ZNF608: variants seen among roughly 807,000 people sequenced by gnomAD.
ZNF608 encodes the protein renal carcinoma antigen NY-REN-36.
ZNF608 carries 12 observed loss-of-function variants against 109.0 expected under a neutral mutation model. The observed-to-expected ratio is 0.11, with a 90% CI of 0.07 to 0.18. The LOEUF is 0.18. Ranked by LOEUF, ZNF608 falls within the 10% of genes least tolerant of loss-of-function variation. The pLI, the probability that ZNF608 is intolerant of heterozygous loss-of-function variation, is 1.00. For missense variants in ZNF608, 1,707 were observed against 1,879.3 expected, an observed-to-expected ratio of 0.91 and a Z score of 1.70; for synonymous variants, 732 against 717.4, an observed-to-expected ratio of 1.02 and a Z score of -0.33.
At chr5:124,664,788 T>C (rs1026325442) in intron 3 of ZNF608, among the ~76,000 whole-genome samples, 4 of 152,214 alleles carry the variant, frequency 2.6e-5, no homozygotes, top group African/African-American at 9.6e-5. Flanking sequence ...GAATGGTGCA[T>C]GTATGGATGG....
At chr5:124,696,559 A>G (rs564102674) in intron 3 of ZNF608, among the ~76,000 whole-genome samples, 2 of 152,230 alleles carry the variant, frequency 1.3e-5, no homozygotes, top group South Asian at 2.1e-4. Context: ...AGAAATCAAC[A>G]GTAGGGTCCA....
intron 3 of ZNF608, among the ~76,000 whole-genome samples, chr5:124,690,737 CTA>C (rs1233812590): frequency 1.3e-5 from 2 of 151,716 alleles, no homozygotes; most frequent in African/African-American, 4.8e-5. Context: ...ACTAAAGACA[CTA>C]AGACAAAGGC....
At chr5:124,638,009 G>A (rs1750055303) in intron 9 of ZNF608, 103 bp from the exon 10 acceptor site, 14 of 1,266,950 alleles carry the variant, frequency 1.1e-5, no homozygotes, top group East Asian at 2.5e-5. Flanking sequence ...AGAGTGCCAT[G>A]GCTCAATCTC....
At chr5:124,711,554 A>G (rs6865162) in intron 2 of ZNF608, among the ~76,000 whole-genome samples, 44,600 of 152,196 alleles carry the variant, frequency 0.29, 7,023 homozygotes, top group Middle Eastern at 0.45. Flanking sequence ...AGTTTGTGTG[A>G]CAGGAATCAT....
chr5:124,674,258 C>G (rs201800496), intron 3 of ZNF608, among the ~76,000 whole-genome samples: 8,972 of 152,128 alleles, frequency 0.059, 383 homozygotes, highest in East Asian at 0.14. Flanking sequence ...GTTCAAAGAG[C>G]CCATAATTGA....
At chr5:124,729,417 G>A (rs549750100) in intron 2 of ZNF608, among the ~76,000 whole-genome samples, 4 of 152,320 alleles carry the variant, frequency 2.6e-5, no homozygotes, top group Admixed American at 1.3e-4. Context: ...CAAGGATAGC[G>A]AGTGGCAGCA....
intron 3 of ZNF608, among the ~76,000 whole-genome samples, chr5:124,676,580 A>T (rs1369894409): frequency 2.0e-5 from 3 of 151,524 alleles, no homozygotes; most frequent in Admixed American, 6.6e-5. Flanking sequence ...ACAAATCTTT[A>T]AAAAAAAATA....
intron 2 of ZNF608, among the ~76,000 whole-genome samples, chr5:124,717,424 T>C (rs1056593605): frequency 3.3e-5 from 5 of 152,174 alleles, no homozygotes; most frequent in African/African-American, 7.2e-5. Flanking sequence ...TGAGCCAAGA[T>C]TGCGCCACTG....
intron 9 of ZNF608, 151 bp downstream of exon 9, chr5:124,638,982 A>C (rs1750109245): frequency 3.6e-6 from 3 of 834,696 alleles, no homozygotes; most frequent in Non-Finnish European, 5.6e-6. Flanking sequence ...GTTGCATGTG[A>C]AGCAACTTAT....
rs1174898195 is a variant in ZNF608 at position 124,647,605 on chromosome 5, C to A, written c.2779G>T (p.Ala927Ser). The stretch of plus-strand genomic sequence containing the variant: ...CTTGTCTTTGCAGCTGAACTCTCTG[C>A]CCCATTCTGGGTCAACACATGCAGA... ...APLHVLTQNG[A>S]ESSAAKTSSP... Residue 927 changes from alanine (A) to serine (S), a missense_variant, in exon 5 of 10, where the codon GCA becomes TCA. Around this residue, in one of 7 missense-constraint regions of ZNF608, gnomAD observed 1,073 missense variants for 1,133.5 expected, o/e 0.95. Coordinates refer to ENST00000513986, the MANE Select transcript of ZNF608 (RefSeq NM_020747.3). 1 of 1,614,202 alleles carries A rather than the reference C, an allele frequency of 6.2e-7. No homozygotes were observed.
chr5:124,695,536 AG>A (rs1752811079), intron 3 of ZNF608, among the ~76,000 whole-genome samples: 1 of 151,276 alleles, frequency 6.6e-6, no homozygotes, highest in Non-Finnish European at 1.5e-5. Flanking sequence ...AGGCCAAGGC[AG>A]GTGGATTGCT....
At chr5:124,696,211 G>A (rs1752844789) in intron 3 of ZNF608, among the ~76,000 whole-genome samples, 1 of 151,524 alleles carries the variant, frequency 6.6e-6, no homozygotes, top group East Asian at 1.9e-4. Context: ...GAAAAAAAGA[G>A]AGAGAGAGAA....
intron 2 of ZNF608, among the ~76,000 whole-genome samples, chr5:124,703,131 T>C (rs1054574826): frequency 6.6e-6 from 1 of 152,190 alleles, no homozygotes; most frequent in Non-Finnish European, 1.5e-5. Flanking sequence ...TTTGTATAGT[T>C]AGTTGTAAAC....
At chr5:124,695,111 G>C (rs995624246) in intron 3 of ZNF608, among the ~76,000 whole-genome samples, 10 of 152,124 alleles carry the variant, frequency 6.6e-5, no homozygotes, top group Non-Finnish European at 4.4e-5. Flanking sequence ...GGAGTCATAA[G>C]AAGCATGCCC....
chr5:124,677,866 T>G (rs1031880982), intron 3 of ZNF608, among the ~76,000 whole-genome samples: 2 of 152,106 alleles, frequency 1.3e-5, no homozygotes, highest in African/African-American at 4.8e-5. Context: ...TGCCCAGCAC[T>G]GCAGAAGGCC....
chr5:124,738,912 A>T (rs1174521537), intron 2 of ZNF608, among the ~76,000 whole-genome samples: 2 of 152,214 alleles, frequency 1.3e-5, no homozygotes, highest in Admixed American at 1.3e-4. Context: ...CAGATCACAC[A>T]CTTGTTAACA....
At chr5:124,679,035 A>G (rs1400193923) in intron 3 of ZNF608, among the ~76,000 whole-genome samples, 1 of 152,214 alleles carries the variant, frequency 6.6e-6, no homozygotes, top group African/African-American at 2.4e-5. Flanking sequence ...CCAAGGCTCT[A>G]AATCTCCTTG....
chr5:124,713,474 G>A (rs1246287882), intron 2 of ZNF608, among the ~76,000 whole-genome samples: 2 of 152,172 alleles, frequency 1.3e-5, no homozygotes, highest in Non-Finnish European at 2.9e-5. Flanking sequence ...TTATTAAGTG[G>A]AATGTTATTC....
chr5:124,681,849 C>A (rs1385695329), intron 3 of ZNF608, among the ~76,000 whole-genome samples: 1 of 152,164 alleles, frequency 6.6e-6, no homozygotes, highest in Non-Finnish European at 1.5e-5. Context: ...GTATCAAATA[C>A]AAGATCTGAA....
Sources: allele counts gnomAD v4.1 joint callset (sites outside exome capture counted in the v4.1 genomes callset), GRCh38; gene constraint gnomAD v4.1.1; regional missense constraint gnomAD v4.1.1; transcripts MANE v1.5; gene names NCBI Gene and HGNC (gene_info 2026-07-23, HGNC 2026-07-21).